USP4: variants seen among roughly 807,000 people sequenced by gnomAD.
The protein encoded by USP4 is ubiquitin carboxyl-terminal hydrolase 4.
In USP4, 72 loss-of-function variants were observed where a neutral mutation model predicts 118.2. The observed-to-expected ratio is 0.61, with a 90% CI of 0.50 to 0.74. The LOEUF (loss-of-function observed/expected upper bound fraction) is 0.74. USP4 is among the 30% of genes least tolerant of loss of function. The pLI is 0.00. For missense variants in USP4, 1,037 were observed against 1,185.7 expected (o/e 0.87, Z 1.84); for synonymous variants, 415 against 440.4 (o/e 0.94, Z 0.72).
At chr3:49,285,897 G>A (rs969904382) in intron 16 of USP4, among the ~76,000 whole-genome samples, 9 of 152,108 alleles carry the variant, frequency 5.9e-5, no homozygotes, top group South Asian at 2.1e-4. Flanking sequence ...TGAGGTCATC[G>A]AGGACTGAGG....
intron 12 of USP4, among the ~76,000 whole-genome samples, chr3:49,298,289 G>C (rs2047229546): frequency 6.6e-6 from 1 of 152,184 alleles, no homozygotes; most frequent in African/African-American, 2.4e-5. Flanking sequence ...TCAGTGCACA[G>C]ATCTGACAGC....
At chr3:49,317,437 T>C in intron 6 of USP4, 1 of 868,364 alleles carries the variant, frequency 1.2e-6, no homozygotes, top group Non-Finnish European at 1.9e-6. Flanking sequence ...GTCGTAGTTC[T>C]GCAGCGCCAT....
At chr3:49,339,870 C>CT in intron 1 of USP4, 54 bp downstream of exon 1, 4 of 1,472,096 alleles carry the variant, frequency 2.7e-6, no homozygotes, top group Non-Finnish European at 3.8e-6. Context: ...AAAAGGAGGC[C>CT]CCTTTTTCTC....
At chr3:49,309,827 A>T (rs1444434233) in intron 8 of USP4, among the ~76,000 whole-genome samples, 2 of 147,082 alleles carry the variant, frequency 1.4e-5, no homozygotes, top group Non-Finnish European at 3.0e-5. Flanking sequence ...GGGTTTTGCC[A>T]TGTTGGCTAG....
At chr3:49,301,602 C>T (rs574761941) in intron 10 of USP4, among the ~76,000 whole-genome samples, 48 of 152,106 alleles carry the variant, frequency 3.2e-4, no homozygotes, top group South Asian at 2.9e-3. Flanking sequence ...ACAGGAGAAT[C>T]GCTTGAACCC....
chr3:49,293,227 G>A (rs2047168558), intron 14 of USP4, among the ~76,000 whole-genome samples: 1 of 151,208 alleles, frequency 6.6e-6, no homozygotes, highest in African/African-American at 2.4e-5. Context: ...AAATACAAAA[G>A]TTTGGCCAGG....
At position 49,286,286 on chromosome 3, in the gene USP4, T is replaced by C. The variant is rs767424577; in HGVS notation, c.2012A>G (p.Lys671Arg). ...EEEMEHQEEGKEQLSETEGSG... is the reference protein window; with the variant it reads ...EEEMEHQEEGREQLSETEGSG... ...GCCTTCTGTTTCTGAAAGCTGCTCT[T>C]TGCCTTCTTCCTGATGCTCCATTTC... The change falls in exon 16 of 22, where the codon AAA becomes AGA. Residue 671 changes from lysine to arginine, a missense_variant. Physicochemically the swap from Lys to Arg is conservative, Grantham distance 26. Around this residue, in one of 3 missense-constraint regions of USP4, gnomAD observed 522 missense variants for 592.6 expected, o/e 0.88. Transcript: ENST00000265560. 2.6e-5 allele frequency: 42 copies of C among 1,614,050 alleles called. No homozygotes were observed. The Admixed American group carries it at 5.3e-4, about 21-fold the overall frequency.
chr3:49,302,233 C>A, intron 10 of USP4, 151 bp downstream of exon 10: 1 of 581,606 alleles, frequency 1.7e-6, no homozygotes, highest in Non-Finnish European at 2.7e-6. Flanking sequence ...TAGCCCCTTT[C>A]TGACCAGAGA....
intron 2 of USP4, among the ~76,000 whole-genome samples, chr3:49,332,105 T>G (rs551777124): frequency 1.3e-5 from 2 of 151,890 alleles, no homozygotes; most frequent in Non-Finnish European, 2.9e-5. Context: ...AAATCCCGTC[T>G]TTACTAAAAA....
Position 49,278,513 on chromosome 3 carries a change from T to G in USP4, c.2734-62A>C, listed in dbSNP as rs1403821329. The G allele has an allele frequency of 2.6e-6, 4 of 1,566,366 alleles. No homozygotes were observed. The Admixed American group carries it at 5.2e-5, about 20-fold the overall frequency. ...GGAAAAATCACCCATTTTCCCCAGCTTTTCTCTAGCTGTCCAAAACCCTCA... is the reference window on the plus strand; with the variant it reads ...GGAAAAATCACCCATTTTCCCCAGCGTTTCTCTAGCTGTCCAAAACCCTCA... On this transcript the variant is annotated intron_variant, in intron 21 of 21. Coordinates refer to ENST00000265560, the MANE Select transcript of USP4 (RefSeq NM_003363.4).
At chr3:49,286,582 G>A (rs907786318) in intron 15 of USP4, among the ~76,000 whole-genome samples, 6 of 152,070 alleles carry the variant, frequency 3.9e-5, no homozygotes, top group Non-Finnish European at 7.4e-5. Context: ...CAGGCACAAT[G>A]AGATTCAGAA....
At chr3:49,279,594 C>A (rs1283926358) in intron 20 of USP4, among the ~76,000 whole-genome samples, 1 of 152,168 alleles carries the variant, frequency 6.6e-6, no homozygotes, top group African/African-American at 2.4e-5. Context: ...TTTATTACAG[C>A]AATCCCAGCC....
rs940487736 is a variant in USP4 at position 49,334,049 on chromosome 3, G to C, written c.229+1420C>G. Among the ~76,000 whole-genome samples, 3 of 151,946 alleles carry C rather than the reference G, an allele frequency of 2.0e-5. No individual in the cohort carries two copies. The East Asian group carries it at 5.8e-4, about 29-fold the overall frequency. On this transcript the variant is annotated intron_variant, in intron 2 of 21. Coordinates refer to ENST00000265560, the MANE Select transcript of USP4 (RefSeq NM_003363.4). ...AAAAAAAGAAAGCTCCCTGATCACTGATCACCATAACAAATAATAATGAAA... is the reference window on the plus strand; with the variant it reads ...AAAAAAAGAAAGCTCCCTGATCACTCATCACCATAACAAATAATAATGAAA...
intron 2 of USP4, among the ~76,000 whole-genome samples, chr3:49,330,241 C>T (rs1288368352): frequency 6.6e-6 from 1 of 152,182 alleles, no homozygotes; most frequent in Middle Eastern, 3.4e-3. Flanking sequence ...GGCTGCAGAA[C>T]GGATGTTTTT....
rs781261772 is a variant in USP4, at chr3:49,278,402, T to C, written c.2783A>G (p.Tyr928Cys). Residue 928 changes from tyrosine (Y) to cysteine (C), a missense_variant, in exon 22 of 22, where the codon TAT (tyrosine) becomes TGT (cysteine). Transcript: ENST00000265560. ...LFYQRRDDEFYKTPSLSSSGS... is the reference protein window; with the variant it reads ...LFYQRRDDEFCKTPSLSSSGS... The stretch of plus-strand genomic sequence containing the variant: ...AGAACTGCTAAGTGAAGGTGTCTTA[T>C]AAAATTCATCATCTCGACGTTGGTA... 15 of 1,614,038 alleles carry C rather than the reference T, an allele frequency of 9.3e-6. No homozygotes were observed. The highest frequency in any genetic ancestry group is 2.2e-5 in the South Asian group (2 of 91,088).
At chr3:49,329,966 C>A (rs2047596110) in intron 2 of USP4, among the ~76,000 whole-genome samples, 1 of 151,988 alleles carries the variant, frequency 6.6e-6, no homozygotes, top group African/African-American at 2.4e-5. Flanking sequence ...ATGGTGAAAC[C>A]TGGTCTCTAC....
intron 1 of USP4, among the ~76,000 whole-genome samples, chr3:49,336,344 T>C (rs1422969195): frequency 1.3e-5 from 2 of 150,630 alleles, no homozygotes; most frequent in Admixed American, 6.7e-5. Flanking sequence ...GCTAATTTTT[T>C]TGTATTTTTA....
Position 49,284,847 on chromosome 3 carries a change from A to T in USP4, c.2271+2T>A. On this transcript the variant is annotated splice_donor_variant, in intron 17 of 21. Coordinates refer to ENST00000265560, the MANE Select transcript of USP4 (RefSeq NM_003363.4). LOFTEE classifies it high-confidence loss of function. Reference sequence around the variant, plus strand: ...ACCGACCACGAACCCCGAGGGACCTACCTCAGATTCTTGCTCATCATAGTA... The same window carrying T: ...ACCGACCACGAACCCCGAGGGACCTTCCTCAGATTCTTGCTCATCATAGTA... The T allele has an allele frequency of 2.5e-6, 4 of 1,613,546 alleles. No individual in the cohort carries two copies. The South Asian group carries it at 4.4e-5, about 18-fold the overall frequency.
intron 17 of USP4, 66 bp downstream of exon 17, chr3:49,284,783 G>T: frequency 6.8e-7 from 1 of 1,468,640 alleles, no homozygotes; most frequent in South Asian, 1.2e-5. Flanking sequence ...TGGTGAAAGT[G>T]ATCGCAGTCC....
Sources: gnomAD v4.1 joint callset for allele counts (sites outside exome capture counted in the v4.1 genomes callset) on GRCh38, gnomAD v4.1.1 for gene constraint, gnomAD v4.1.1 regional missense constraint, MANE v1.5 for transcripts, NCBI Gene and HGNC (gene_info 2026-07-23, HGNC 2026-07-21) for gene names.